FARS2: variants seen among roughly 807,000 people sequenced by gnomAD.
FARS2 encodes phenylalanyl-tRNA synthetase 2, mitochondrial.
Under a neutral mutation model 46.4 loss-of-function variants are expected in FARS2, and 40 were observed. That is an observed-to-expected ratio of 0.86 (90% CI 0.67 to 1.12). FARS2 has a LOEUF of 1.12. Among genes scored for constraint, FARS2 ranks in the 50% most tolerant of loss-of-function variants. The pLI is 0.00. For missense variants in FARS2, 513 were observed against 567.9 expected, an observed-to-expected ratio of 0.90 and a Z score of 0.98; for synonymous variants, 234 against 214.9, an observed-to-expected ratio of 1.09 and a Z score of -0.78.
chr6:5,514,479 A>G (rs2150410289), intron 4 of FARS2, among the ~76,000 whole-genome samples: 1 of 152,296 alleles, frequency 6.6e-6, no homozygotes, highest in Non-Finnish European at 1.5e-5. Context: ...TAAATGTCTA[A>G]AAGTTTTTCA....
chr6:5,580,701 T>C (rs1461947462), intron 5 of FARS2, among the ~76,000 whole-genome samples: 1 of 152,160 alleles, frequency 6.6e-6, no homozygotes, highest in East Asian at 1.9e-4. Flanking sequence ...TAGGAGGATG[T>C]GATTGATCGT....
At chr6:5,458,894 T>G (rs191232235) in intron 4 of FARS2, among the ~76,000 whole-genome samples, 1,725 of 152,342 alleles carry the variant, frequency 0.011, 39 homozygotes, top group African/African-American at 0.039. Flanking sequence ...TCCATGACTG[T>G]ACAAATGGTG....
At chr6:5,421,432 A>T (rs533245619) in intron 3 of FARS2, among the ~76,000 whole-genome samples, 1 of 152,302 alleles carries the variant, frequency 6.6e-6, no homozygotes, top group African/African-American at 2.4e-5. Context: ...TTGGGGATTA[A>T]CTTTCACCTT....
At chr6:5,449,809 C>G (rs528560611) in intron 4 of FARS2, among the ~76,000 whole-genome samples, 1 of 152,298 alleles carries the variant, frequency 6.6e-6, no homozygotes, top group African/African-American at 2.4e-5. Context: ...TGTGGGCCCT[C>G]AAAAAGTTTT....
intron 3 of FARS2, among the ~76,000 whole-genome samples, chr6:5,428,693 G>T (rs1001242424): frequency 1.3e-5 from 2 of 152,184 alleles, no homozygotes; most frequent in Non-Finnish European, 2.9e-5. Context: ...ATAGGGAATT[G>T]TTGGTCCCAA....
In FARS2 at chr6:5,717,935, T is replaced by TATAGAGAGAGAGAGAGAGAGAGAGAGAG. The variant is rs546191530; in HGVS notation, c.1218-53355_1218-53354insTAGAGAGAGAGAGAGAGAGAGAGAGAGA. Reference sequence around the variant, plus strand: ...ATATATATATATATATATATATATATACAGAGTCTCACTCTGTCGCCCAGG... The same window carrying TATAGAGAGAGAGAGAGAGAGAGAGAGAG: ...ATATATATATATATATATATATATATATAGAGAGAGAGAGAGAGAGAGAGAGAGACAGAGTCTCACTCTGTCGCCCAGG... On this transcript the variant is annotated intron_variant, in intron 6 of 6. Coordinates refer to ENST00000274680, the MANE Select transcript of FARS2 (RefSeq NM_006567.5). 2.4e-4 allele frequency among the ~76,000 whole-genome samples: 33 copies of TATAGAGAGAGAGAGAGAGAGAGAGAGAG among 135,652 alleles called. No homozygotes were observed. In the South Asian group the frequency reaches 4.0e-3, roughly 16 times the overall value. 89.0% of individuals were successfully genotyped at this position (135,652 alleles called of 152,430 possible).
At chr6:5,258,281 C>T (rs1265017131), upstream of FARS2, among the ~76,000 whole-genome samples, 1 of 152,194 alleles carries the variant, frequency 6.6e-6, no homozygotes, top group African/African-American at 2.4e-5. Flanking sequence ...TTACTTAAGG[C>T]ACAATTCGCA....
intron 6 of FARS2, among the ~76,000 whole-genome samples, chr6:5,639,726 A>G (rs1366169756): frequency 6.6e-6 from 1 of 151,506 alleles, no homozygotes; most frequent in Non-Finnish European, 1.5e-5. Flanking sequence ...TAAGCGCTTG[A>G]AAAGTGTCCT....
intron 5 of FARS2, among the ~76,000 whole-genome samples, chr6:5,568,881 C>CAG (rs1772472694): frequency 6.6e-6 from 1 of 152,156 alleles, no homozygotes; most frequent in African/African-American, 2.4e-5. Flanking sequence ...AGGGTAGTAA[C>CAG]AGAGAGACTA....
intron 6 of FARS2, among the ~76,000 whole-genome samples, chr6:5,711,603 CA>C (rs575991927): frequency 9.9e-4 from 151 of 151,866 alleles, no homozygotes; most frequent in African/African-American, 3.6e-3. Flanking sequence ...CGATCTTCCA[CA>C]AAAAAGAATC....
At chr6:5,461,198 C>T (rs1296854236) in intron 4 of FARS2, among the ~76,000 whole-genome samples, 2 of 152,074 alleles carry the variant, frequency 1.3e-5, no homozygotes, top group East Asian at 1.9e-4. Context: ...ACCATCACGC[C>T]TGGCTAATTT....
chr6:5,377,874 C>G (rs1216694577), intron 2 of FARS2, among the ~76,000 whole-genome samples: 1 of 152,100 alleles, frequency 6.6e-6, no homozygotes, highest in Non-Finnish European at 1.5e-5. Flanking sequence ...AAAGCATTGC[C>G]TACCTTATCT....
chr6:5,742,496 C>G (rs1034034061), intron 6 of FARS2, among the ~76,000 whole-genome samples: 1 of 152,130 alleles, frequency 6.6e-6, no homozygotes, highest in East Asian at 1.9e-4. Flanking sequence ...CTTCTAAGCC[C>G]TGACTTCAAT....
chr6:5,465,671 C>G (rs73354478), intron 4 of FARS2, among the ~76,000 whole-genome samples: 1,571 of 152,268 alleles, frequency 0.01, 36 homozygotes, highest in African/African-American at 0.035. Flanking sequence ...CTGTGAAAAC[C>G]AGTCCTATAA....
intron 6 of FARS2, among the ~76,000 whole-genome samples, chr6:5,619,004 G>C (rs923372872): frequency 2.0e-5 from 3 of 152,198 alleles, no homozygotes; most frequent in Non-Finnish European, 4.4e-5. Flanking sequence ...GCACCTTAAG[G>C]AATTATGGTG....
At chr6:5,418,328 C>T (rs565821825) in intron 3 of FARS2, among the ~76,000 whole-genome samples, 4 of 152,068 alleles carry the variant, frequency 2.6e-5, no homozygotes, top group Non-Finnish European at 5.9e-5. Flanking sequence ...TCCTAATATC[C>T]GCGAGCTTTA....
chr6:5,572,381 C>T (rs543296071), intron 5 of FARS2, among the ~76,000 whole-genome samples: 1 of 152,210 alleles, frequency 6.6e-6, no homozygotes, highest in East Asian at 1.9e-4. Context: ...CAAGACAGCA[C>T]CAAGCCATGA....
chr6:5,314,673 G>C (rs548769438), intron 1 of FARS2, among the ~76,000 whole-genome samples: 1 of 152,248 alleles, frequency 6.6e-6, no homozygotes, highest in Non-Finnish European at 1.5e-5. Context: ...AGACATCTGT[G>C]ACCTTGATTA....
At chr6:5,448,740 T>C (rs1764318053) in intron 4 of FARS2, among the ~76,000 whole-genome samples, 2 of 152,246 alleles carry the variant, frequency 1.3e-5, no homozygotes, top group Non-Finnish European at 2.9e-5. Context: ...TCACACAGTA[T>C]ATGCATTTAT....
Sources: allele counts gnomAD v4.1 joint callset (sites outside exome capture counted in the v4.1 genomes callset), GRCh38; gene constraint gnomAD v4.1.1; transcripts MANE v1.5; gene names NCBI Gene and HGNC (gene_info 2026-07-23, HGNC 2026-07-21).